The following PREX2 variants were observed in gnomAD, a reference collection of about 807,000 sequenced individuals.
PREX2 encodes the protein phosphatidylinositol-3,4,5-trisphosphate dependent Rac exchange factor 2.
In PREX2, 107 loss-of-function variants were observed where a neutral mutation model predicts 203.2. That is an observed-to-expected ratio of 0.53 (90% confidence interval 0.45 to 0.62). PREX2 has a LOEUF of 0.62. Ranked by LOEUF, PREX2 falls within the 20% of genes least tolerant of loss-of-function variation. PREX2 has a pLI of 0.00. For synonymous variants in PREX2, 672 were observed against 663.6 expected (o/e 1.01, Z -0.19); for missense variants, 1,777 against 1,955.9 (o/e 0.91, Z 1.72).
At chr8:68,189,198 G>A (rs766197997) in intron 35 of PREX2, among the ~76,000 whole-genome samples, 29 of 152,324 alleles carry the variant, frequency 1.9e-4, no homozygotes, top group Non-Finnish European at 2.9e-4. Flanking sequence ...TACAATTGAC[G>A]TGAAAGGACA....
intron 1 of PREX2, among the ~76,000 whole-genome samples, chr8:67,999,948 G>A (rs1806890211): frequency 6.6e-6 from 1 of 152,116 alleles, no homozygotes. Flanking sequence ...AATAAACTAA[G>A]TATTGAAGGA....
At chr8:68,054,527 A>G (rs4412354) in intron 9 of PREX2, among the ~76,000 whole-genome samples, 87,295 of 152,020 alleles carry the variant, frequency 0.57, 26,554 homozygotes, top group African/African-American at 0.78. Flanking sequence ...AAAAATAAAA[A>G]TCTGGTAGGA....
Position 68,087,811 on chromosome 8 carries a change from T to A in PREX2, c.2113+2T>A. On this transcript the variant is annotated splice_donor_variant, in intron 19 of 39. Transcript: ENST00000288368. LOFTEE classifies it high-confidence loss of function. ...CTGTTGTGCATGCTGTAGGAAGAGG[T>A]AGGAAATTCGTCTTGCAGGGAAACA... is the stretch of plus-strand genomic sequence containing the variant. 6.2e-7 allele frequency: 1 copy of A among 1,608,014 alleles called. No individual in the cohort carries two copies. Among genetic ancestry groups the A allele is most frequent in the Non-Finnish European group, 8.5e-7 (1 of 1,174,556 alleles).
At chr8:68,036,903 G>A (rs1367962477) in intron 6 of PREX2, among the ~76,000 whole-genome samples, 3 of 152,054 alleles carry the variant, frequency 2.0e-5, no homozygotes, top group East Asian at 1.9e-4. Flanking sequence ...TCGTGCCATT[G>A]CACTCCAGGC....
At position 68,030,651 on chromosome 8, in the gene PREX2, G is replaced by T. The variant is rs1358803402; in HGVS notation, c.698G>T (p.Gly233Val). 1 of 1,613,474 alleles carries T rather than the reference G, an allele frequency of 6.2e-7. No individual in the cohort carries two copies. Among genetic ancestry groups the T allele is most frequent in the South Asian group, 1.1e-5 (1 of 91,054 alleles). Residue 233 changes from glycine (G) to valine (V), a missense_variant, in exon 6 of 40, where the codon GGC (glycine) becomes GTC (valine). Physicochemically the swap from Gly to Val is moderately radical, Grantham distance 109 (BLOSUM62 -3). Transcript: ENST00000288368. ...VLEEWQSHIE[G>V]WEGSNITDTC... Reference sequence around the variant, plus strand: ...GAGGAATGGCAGTCTCACATTGAAGGCTGGGAGGTACATTCACTTTGCTTG... The same window carrying T: ...GAGGAATGGCAGTCTCACATTGAAGTCTGGGAGGTACATTCACTTTGCTTG...
intron 39 of PREX2, among the ~76,000 whole-genome samples, chr8:68,224,920 C>A (rs1813028693): frequency 6.6e-6 from 1 of 152,132 alleles, no homozygotes; most frequent in African/African-American, 2.4e-5. Flanking sequence ...ATCCCATTTT[C>A]ATTTATACTT....
intron 10 of PREX2, 27 bp from the exon 11 acceptor site, chr8:68,060,652 A>C (rs1246892740): frequency 6.5e-7 from 1 of 1,548,592 alleles, no homozygotes; most frequent in South Asian, 1.1e-5. Flanking sequence ...TTAACCGTTT[A>C]GCTTTTTCAC....
At chr8:67,984,558 C>CTACTTCTGGTAGTTTATAAGAAAGGAAT (rs1806359496) in intron 1 of PREX2, among the ~76,000 whole-genome samples, 1 of 152,158 alleles carries the variant, frequency 6.6e-6, no homozygotes. Context: ...ATTTATTTAA[C>CTACTTCTGGTAGTTTATAAGAAAGGAAT]TACTTCTGGT....
intron 37 of PREX2, among the ~76,000 whole-genome samples, chr8:68,195,729 C>G (rs961637202): frequency 1.3e-5 from 2 of 152,150 alleles, no homozygotes; most frequent in Non-Finnish European, 2.9e-5. Context: ...AAATATTACA[C>G]AAGCCATTTT....
At chr8:68,173,899 G>A (rs533953300) in intron 35 of PREX2, among the ~76,000 whole-genome samples, 219 of 152,298 alleles carry the variant, frequency 1.4e-3, no homozygotes, top group African/African-American at 5.0e-3. Flanking sequence ...AAAGTTGGAA[G>A]TGTCAAAGGA....
At chr8:68,120,637 G>A (rs565525718) in intron 29 of PREX2, among the ~76,000 whole-genome samples, 1 of 152,268 alleles carries the variant, frequency 6.6e-6, no homozygotes, top group African/African-American at 2.4e-5. Context: ...TGGGGAATGA[G>A]AGTTGATGAA....
intron 25 of PREX2, 54 bp from the exon 26 acceptor site, chr8:68,115,699 T>A: frequency 7.8e-7 from 1 of 1,279,610 alleles, no homozygotes; most frequent in South Asian, 1.5e-5. Context: ...ATAAGGTAGT[T>A]ATATATAGCA....
intron 35 of PREX2, among the ~76,000 whole-genome samples, chr8:68,184,868 A>G (rs1812158644): frequency 6.6e-6 from 1 of 152,206 alleles, no homozygotes; most frequent in African/African-American, 2.4e-5. Flanking sequence ...CAATTGCATT[A>G]TCTTTCCTTG....
At chr8:68,090,993 A>G (rs1809856451) in intron 20 of PREX2, among the ~76,000 whole-genome samples, 1 of 152,178 alleles carries the variant, frequency 6.6e-6, no homozygotes, top group South Asian at 2.1e-4. Flanking sequence ...ATCAAATTGA[A>G]ATCCAAAGGT....
intron 38 of PREX2, among the ~76,000 whole-genome samples, chr8:68,222,460 G>C (rs1744954294): frequency 6.6e-6 from 1 of 150,526 alleles, no homozygotes; most frequent in South Asian, 2.1e-4. Flanking sequence ...ATGTATATAA[G>C]TATTAGATTA....
intron 14 of PREX2, among the ~76,000 whole-genome samples, chr8:68,075,328 T>A (rs1331668557): frequency 6.6e-6 from 1 of 152,230 alleles, no homozygotes; most frequent in Non-Finnish European, 1.5e-5. Flanking sequence ...CAAGCTTTTC[T>A]TGTAAGCTTA....
chr8:68,046,687 A>G (rs1215948577), intron 8 of PREX2, among the ~76,000 whole-genome samples: 1 of 151,994 alleles, frequency 6.6e-6, no homozygotes, highest in Admixed American at 6.6e-5. Context: ...TAAGATGAAA[A>G]CATTTATTAC....
At position 68,217,643 on chromosome 8, in the gene PREX2, A is replaced by G; in HGVS notation, c.4632A>G (p.Gln1544=). 6.2e-7 allele frequency: 1 copy of G among 1,614,166 alleles called. No homozygotes were observed. The highest frequency in any genetic ancestry group is 1.6e-4 in the Middle Eastern group (1 of 6,062). ...GCACCCTGAGCGTGACGCTGGAGCAAGCCATCATTCTGGCCAGAAGCCACG... is the reference window on the plus strand; with the variant it reads ...GCACCCTGAGCGTGACGCTGGAGCAGGCCATCATTCTGGCCAGAAGCCACG... ...HRCTLSVTLE[Q]AIILARSHGL... is the part of the protein sequence containing the mutation. Residue 1544 remains glutamine (Q), a synonymous_variant, in exon 38 of 40, where the codon CAA becomes CAG. Coordinates refer to ENST00000288368, the MANE Select transcript of PREX2 (RefSeq NM_024870.4).
In PREX2 at chr8:68,121,038, A is replaced by G; in HGVS notation, c.3713A>G (p.Lys1238Arg). Residue 1238 changes from lysine (K) to arginine (R), a missense_variant, in exon 30 of 40, where the codon AAA becomes AGA. By Grantham distance (26) the Lys-to-Arg change is conservative (BLOSUM62 2). Coordinates refer to ENST00000288368, the MANE Select transcript of PREX2 (RefSeq NM_024870.4). The stretch of plus-strand genomic sequence containing the variant: ...CGGACTCTTGCTCAGAACATCAGGA[A>G]ATTTGTTGAAGGTCAGCATGAAAAG... ...SVRTLAQNIR[K>R]FVEEVKCRLL... The G allele has an allele frequency of 6.2e-7, 1 of 1,613,128 alleles. No individual in the cohort carries two copies. Among genetic ancestry groups the G allele is most frequent in the Non-Finnish European group, 8.5e-7 (1 of 1,179,570 alleles).
Sources: allele counts gnomAD v4.1 joint callset (sites outside exome capture counted in the v4.1 genomes callset), GRCh38; gene constraint gnomAD v4.1.1; transcripts MANE v1.5; gene names NCBI Gene and HGNC (gene_info 2026-07-23, HGNC 2026-07-21).